NKAIN2: variants seen among roughly 807,000 people sequenced by gnomAD.
The protein encoded by NKAIN2 is sodium/potassium-transporting ATPase subunit beta-1-interacting protein 2.
Under a neutral mutation model 32.6 loss-of-function variants are expected in NKAIN2, and 14 were observed. The observed-to-expected ratio is 0.43, with a 90% confidence interval of 0.28 to 0.67. The LOEUF is 0.67. NKAIN2 is among the 30% of genes least tolerant of loss of function. NKAIN2 has a pLI of 0.17. For synonymous variants in NKAIN2, 80 were observed against 87.2 expected (o/e 0.92, Z 0.46); for missense variants, 198 against 258.3 (o/e 0.77, Z 1.60).
rs146013539 is a variant in NKAIN2 at position 123,958,166 on chromosome 6, A to C, written c.54+153912A>C. On this transcript the variant is annotated intron_variant, in intron 1 of 6. Transcript: ENST00000368417. Reference sequence around the variant, plus strand: ...CAATAGCTAGGACACCGACCAGTGTAGGAAGGTATCTTTAGGCCCTTTTGA... The same window carrying C: ...CAATAGCTAGGACACCGACCAGTGTCGGAAGGTATCTTTAGGCCCTTTTGA... 5.3e-3 allele frequency among the ~76,000 whole-genome samples: 805 copies of C among 152,300 alleles called. 4 individuals carry two copies. Among genetic ancestry groups the C allele is most frequent in the African/African-American group, 0.018 (729 of 41,570 alleles).
intron 1 of NKAIN2, among the ~76,000 whole-genome samples, chr6:124,227,811 C>A (rs1018454638): frequency 2.6e-5 from 4 of 152,116 alleles, no homozygotes; most frequent in Non-Finnish European, 4.4e-5. Context: ...ATGTGGAACA[C>A]ACAAGTATTC....
chr6:124,037,044 A>G (rs1305704118), intron 1 of NKAIN2, among the ~76,000 whole-genome samples: 1 of 152,022 alleles, frequency 6.6e-6, no homozygotes, highest in African/African-American at 2.4e-5. Context: ...AGTCCTTTCA[A>G]ACTAGAATGC....
At chr6:124,351,219 T>C (rs1353653136) in intron 2 of NKAIN2, among the ~76,000 whole-genome samples, 1 of 152,048 alleles carries the variant, frequency 6.6e-6, no homozygotes. Context: ...CAAGTCTAGT[T>C]TGCAAGTTCA....
chr6:123,852,359 T>A (rs902969554), intron 1 of NKAIN2, among the ~76,000 whole-genome samples: 1 of 152,214 alleles, frequency 6.6e-6, no homozygotes, highest in Non-Finnish European at 1.5e-5. Flanking sequence ...TATTGACTAT[T>A]GCACCTCTGA....
chr6:124,097,986 T>C (rs954660074), intron 1 of NKAIN2, among the ~76,000 whole-genome samples: 2 of 152,066 alleles, frequency 1.3e-5, no homozygotes, highest in African/African-American at 4.8e-5. Flanking sequence ...TCATTATTTT[T>C]CCCAAGTTAG....
intron 1 of NKAIN2, among the ~76,000 whole-genome samples, chr6:124,129,954 T>G (rs7750560): frequency 6.6e-6 from 1 of 152,114 alleles, no homozygotes; most frequent in African/African-American, 2.4e-5. Context: ...TATAATGTAC[T>G]TATCTCATGT....
rs147585339 is a variant in NKAIN2 at position 124,660,820 on chromosome 6, A to G, written c.474+2434A>G. ...GCTTTGGGTTGAATGTGTCTGCTAT[A>G]CAGAAAACTTAGCAAATTTGAACTC... On this transcript the variant is annotated intron_variant, in intron 4 of 6. Transcript: ENST00000368417. Among the ~76,000 whole-genome samples, 800 of 152,344 alleles carry G rather than the reference A, an allele frequency of 5.3e-3. 8 individuals are homozygous for G. Among genetic ancestry groups the G allele is most frequent in the African/African-American group, 0.018 (745 of 41,580 alleles).
At chr6:124,040,407 T>C (rs1781817445) in intron 1 of NKAIN2, among the ~76,000 whole-genome samples, 1 of 152,122 alleles carries the variant, frequency 6.6e-6, no homozygotes, top group East Asian at 1.9e-4. Context: ...GTATTAAGTA[T>C]GTCTGAAGCT....
intron 4 of NKAIN2, among the ~76,000 whole-genome samples, chr6:124,705,959 T>C (rs1003219114): frequency 2.0e-5 from 3 of 152,068 alleles, no homozygotes; most frequent in African/African-American, 7.2e-5. Context: ...CCTCCACACA[T>C]ACTGTTGGTG....
intron 3 of NKAIN2, among the ~76,000 whole-genome samples, chr6:124,379,397 G>A (rs1359930326): frequency 6.6e-6 from 1 of 151,480 alleles, no homozygotes; most frequent in African/African-American, 2.4e-5. Context: ...GAGGAAGGAG[G>A]GAGGGAGATT....
intron 3 of NKAIN2, among the ~76,000 whole-genome samples, chr6:124,436,409 A>G (rs977923668): frequency 3.9e-5 from 6 of 152,192 alleles, no homozygotes; most frequent in African/African-American, 1.2e-4. Context: ...TCATTACAAT[A>G]TCATAAAACA....
intron 4 of NKAIN2, among the ~76,000 whole-genome samples, chr6:124,705,894 G>A (rs1417864715): frequency 1.3e-5 from 2 of 152,062 alleles, no homozygotes; most frequent in African/African-American, 4.8e-5. Flanking sequence ...CTCTGAAGCA[G>A]CAGAGGAAAG....
At chr6:124,759,154 T>C (rs1055276805) in intron 4 of NKAIN2, among the ~76,000 whole-genome samples, 15 of 152,158 alleles carry the variant, frequency 9.9e-5, no homozygotes, top group African/African-American at 3.6e-4. Flanking sequence ...GAACACCTCC[T>C]GCAGCCACCA....
chr6:124,161,795 GA>G (rs2114451702), intron 1 of NKAIN2, among the ~76,000 whole-genome samples: 1 of 152,146 alleles, frequency 6.6e-6, no homozygotes, highest in African/African-American at 2.4e-5. Context: ...GACTACTGGA[GA>G]GGGGAAGGAG....
At chr6:123,846,582 T>G (rs1302023715) in intron 1 of NKAIN2, among the ~76,000 whole-genome samples, 1 of 152,180 alleles carries the variant, frequency 6.6e-6, no homozygotes, top group East Asian at 1.9e-4. Flanking sequence ...AAGTGGGATG[T>G]TAATAGGAAG....
intron 1 of NKAIN2, among the ~76,000 whole-genome samples, chr6:123,906,198 A>G (rs749225808): frequency 1.3e-5 from 2 of 151,988 alleles, no homozygotes; most frequent in African/African-American, 4.8e-5. Context: ...TGGCCTTTGC[A>G]TAATCCTTGA....
intron 3 of NKAIN2, among the ~76,000 whole-genome samples, chr6:124,580,148 C>A (rs557160674): frequency 6.6e-6 from 1 of 152,104 alleles, no homozygotes; most frequent in Non-Finnish European, 1.5e-5. Flanking sequence ...TCTGAAGGTG[C>A]AAGACTTGCT....
In NKAIN2 at chr6:124,096,656, C is replaced by T. The variant is rs147757967; in HGVS notation, c.55-186349C>T. 1.3e-3 allele frequency among the ~76,000 whole-genome samples: 205 copies of T among 151,872 alleles called. 2 individuals are homozygous for T. Among genetic ancestry groups the T allele is most frequent in the African/African-American group, 4.6e-3 (192 of 41,414 alleles). ...TTGTGTTATTAAAGGAGATCGAGAC[C>T]ATCTTGGCTAACACGGTGAAACCCC... On this transcript the variant is annotated intron_variant, in intron 1 of 6. Transcript: ENST00000368417.
At chr6:124,303,202 G>T (rs986525906) in intron 2 of NKAIN2, among the ~76,000 whole-genome samples, 1 of 152,182 alleles carries the variant, frequency 6.6e-6, no homozygotes, top group African/African-American at 2.4e-5. Context: ...AGAATGATAT[G>T]ATTAATTTTA....
Sources: gnomAD v4.1 joint callset for allele counts (sites outside exome capture counted in the v4.1 genomes callset) on GRCh38, gnomAD v4.1.1 for gene constraint, MANE v1.5 for transcripts, NCBI Gene and HGNC (gene_info 2026-07-23, HGNC 2026-07-21) for gene names.